Variants in DNHD1 observed in about 807,000 individuals in gnomAD.
DNHD1 encodes the protein dynein heavy chain domain-containing protein 1.
In DNHD1, 383 loss-of-function variants were observed where a neutral mutation model predicts 458.1. The observed-to-expected ratio is 0.84, with a 90% confidence interval of 0.77 to 0.91. The LOEUF (loss-of-function observed/expected upper bound fraction) is 0.91, where lower values mean the gene tolerates loss of function less well. Ranked by LOEUF, DNHD1 falls within the 40% of genes least tolerant of loss-of-function variation. The probability of loss-of-function intolerance (pLI) is 0.00; values close to 1 mark genes in which losing one functional copy is unlikely to be tolerated. For missense variants in DNHD1, 5,336 were observed against 5,866.1 expected (o/e 0.91, Z 2.95); for synonymous variants, 2,203 against 2,376.9 (o/e 0.93, Z 2.13).
At chr11:6,535,257 T>C (rs1304733768) in intron 14 of DNHD1, among the ~76,000 whole-genome samples, 1 of 152,276 alleles carries the variant, frequency 6.6e-6, no homozygotes, top group African/African-American at 2.4e-5. Context: ...GTATGCATGC[T>C]TATGTACACA....
intron 10 of DNHD1, among the ~76,000 whole-genome samples, chr11:6,524,727 G>A (rs953891570): frequency 3.9e-5 from 6 of 152,162 alleles, no homozygotes; most frequent in Non-Finnish European, 7.4e-5. Flanking sequence ...CTTCAGCTAT[G>A]CTTGTGTTTG....
chr11:6,557,991 C>T lies in DNHD1; in HGVS notation c.8696C>T (p.Thr2899Ile), dbSNP rs1352808777. Residue 2899 changes from threonine to isoleucine, a missense_variant, in exon 25 of 43, where the codon ACT becomes ATT. Around this residue, in one of 4 missense-constraint regions of DNHD1, gnomAD observed 3,932 missense variants for 4,365.6 expected, o/e 0.90. Transcript: ENST00000254579. Reference sequence around the variant, plus strand: ...GGGGCTCTGGGTACTGGGCGCCACACTGCCATCACTCTGGCTTCTAGCATT... The same window carrying T: ...GGGGCTCTGGGTACTGGGCGCCACATTGCCATCACTCTGGCTTCTAGCATT... ...LSGALGTGRH[T>I]AITLASSICQ... The T allele has an allele frequency of 6.4e-7, 1 of 1,551,748 alleles. No homozygotes were observed. Among genetic ancestry groups the T allele is most frequent in the South Asian group, 1.2e-5 (1 of 84,058 alleles).
Position 6,557,876 on chromosome 11 carries a change from C to T in DNHD1, c.8581C>T (p.His2861Tyr), listed in dbSNP as rs11040920. The change falls in exon 25 of 43, where the codon CAC (histidine) becomes TAC (tyrosine). Residue 2861 changes from histidine (H) to tyrosine (Y), a missense_variant. Physicochemically the swap from His to Tyr is moderately conservative, Grantham distance 83. Transcript: ENST00000254579. ...TSAAQLKLSP[H>Y]LARCHSMAQH... ...AGCTGCTCAACTGAAGTTGAGCCCC[C>T]ACCTGGCCCGGTGTCATTCCATGGC... 0.025 allele frequency: 38,985 copies of T among 1,550,752 alleles called. 1,723 individuals are homozygous for T. The highest frequency in any genetic ancestry group is 0.2 in the African/African-American group (14,264 of 73,056).
Position 6,556,827 on chromosome 11 carries a change from A to C in DNHD1, c.7532A>C (p.Glu2511Ala). 1 of 1,551,654 alleles carries C rather than the reference A, an allele frequency of 6.4e-7. No homozygotes were observed. Among genetic ancestry groups the C allele is most frequent in the African/African-American group, 1.4e-5 (1 of 73,154 alleles). The change falls in exon 25 of 43, where the codon GAG (glutamate) becomes GCG (alanine). Residue 2511 changes from glutamate (E) to alanine (A), a missense_variant. Physicochemically the swap from Glu to Ala is moderately radical, Grantham distance 107. Transcript: ENST00000254579. The stretch of plus-strand genomic sequence containing the variant: ...ACTGTCACAGTGCCAGGATACTGTG[A>C]GCGCCCACTGTGTCCACGCCTCTTT... Reference protein sequence around the residue: ...LATVTVPGYCERPLCPRLFRL... With the variant: ...LATVTVPGYCARPLCPRLFRL...
At chr11:6,570,528 G>A (rs1853820341) in intron 41 of DNHD1, 90 bp from the exon 42 acceptor site, 3 of 1,479,920 alleles carry the variant, frequency 2.0e-6, no homozygotes, top group Non-Finnish European at 2.7e-6. Context: ...TGGGGGTGAT[G>A]GCAGTAAAGG....
chr11:6,539,279 A>T lies in DNHD1; in HGVS notation c.3386A>T (p.Tyr1129Phe). The T allele has an allele frequency of 6.4e-7, 1 of 1,551,562 alleles. No individual in the cohort carries two copies. The highest frequency in any genetic ancestry group is 8.7e-7 in the Non-Finnish European group (1 of 1,146,954). The stretch of plus-strand genomic sequence containing the variant: ...CTAACGCTGGGCCAGCTGCTTACTT[A>T]TCCACTGCTGGAGTTTGCAGATCGA... ...ELLTLGQLLT[Y>F]PLLEFADRIN... The change falls in exon 17 of 43, where the codon TAT becomes TTT. Residue 1129 changes from tyrosine to phenylalanine, a missense_variant. Around this residue, in one of 4 missense-constraint regions of DNHD1, gnomAD observed 3,932 missense variants for 4,365.6 expected, o/e 0.90. Coordinates refer to ENST00000254579, the MANE Select transcript of DNHD1 (RefSeq NM_144666.3).
At chr11:6,555,188 C>G (rs1050674629) in intron 24 of DNHD1, among the ~76,000 whole-genome samples, 2 of 149,508 alleles carry the variant, frequency 1.3e-5, no homozygotes, top group East Asian at 2.0e-4. Context: ...CCCTCCTCTC[C>G]TCCCTCATTC....
intron 10 of DNHD1, among the ~76,000 whole-genome samples, chr11:6,526,201 G>A (rs1172307906): frequency 2.0e-5 from 3 of 151,584 alleles, no homozygotes; most frequent in African/African-American, 7.3e-5. Context: ...ATTATCTGTC[G>A]AGTTTGTTTG....
Position 6,546,346 on chromosome 11 carries a change from T to A in DNHD1, c.5407T>A (p.Cys1803Ser), listed in dbSNP as rs1297903726. 1.3e-6 allele frequency: 2 copies of A among 1,552,380 alleles called. No individual in the cohort carries two copies. Among genetic ancestry groups the A allele is most frequent in the Admixed American group, 2.0e-5 (1 of 51,018 alleles). Residue 1803 changes from cysteine to serine, a missense_variant, in exon 21 of 43, where the codon TGT (cysteine) becomes AGT (serine). By Grantham distance (112) the Cys-to-Ser change is moderately radical (BLOSUM62 -1). Transcript: ENST00000254579. ...HHVSVRLGYGCLLVLRALSSA... is the reference protein window; with the variant it reads ...HHVSVRLGYGSLLVLRALSSA... ...CGTGTCTGTGCGCCTTGGCTATGGCTGTCTCCTGGTACTGCGTGCCCTGAG... is the reference window on the plus strand; with the variant it reads ...CGTGTCTGTGCGCCTTGGCTATGGCAGTCTCCTGGTACTGCGTGCCCTGAG...
At position 6,511,282 on chromosome 11, in the gene DNHD1, G is replaced by A; in HGVS notation, c.1245G>A (p.Gln415=). ...AGLLHISRLL[Q]ELHSVSWLPQ... ...TAGTCCTTGATTCTAGGCTTCTGCA[G>A]GAGCTACACTCTGTGTCCTGGCTAC... The change falls in exon 7 of 43, where the codon CAG becomes CAA. Residue 415 remains glutamine, a synonymous_variant. Transcript: ENST00000254579. 6.2e-7 allele frequency: 1 copy of A among 1,614,194 alleles called. No individual in the cohort carries two copies. The highest frequency in any genetic ancestry group is 8.5e-7 in the Non-Finnish European group (1 of 1,180,022).
Position 6,502,733 on chromosome 11 carries a change from C to T in DNHD1, c.747-20C>T. On this transcript the variant is annotated intron_variant, in intron 3 of 42. Coordinates refer to ENST00000254579, the MANE Select transcript of DNHD1 (RefSeq NM_144666.3). The stretch of plus-strand genomic sequence containing the variant: ...GACCTTTTTACTCTGCCTTTTCTCT[C>T]CTGATTTTCTGTCACACAGGTCTCA... 1 of 1,561,020 alleles carries T rather than the reference C, an allele frequency of 6.4e-7. No homozygotes were observed. Among genetic ancestry groups the T allele is most frequent in the Non-Finnish European group, 8.6e-7 (1 of 1,156,088 alleles).
chr11:6,559,004 C>G lies in DNHD1; in HGVS notation c.9314C>G (p.Pro3105Arg). 1 of 1,551,760 alleles carries G rather than the reference C, an allele frequency of 6.4e-7. No individual in the cohort carries two copies. The highest frequency in any genetic ancestry group is 8.7e-7 in the Non-Finnish European group (1 of 1,146,998). The change falls in exon 27 of 43, where the codon CCT (proline) becomes CGT (arginine). Residue 3105 changes from proline (P) to arginine (R), a missense_variant. Transcript: ENST00000254579. ...ACCCACTACCATGAGCACCTGTGCC[C>G]TGCATTGCCACTCGTCACCCCCAAG... ...SATHYHEHLC[P>R]ALPLVTPKTF...
chr11:6,524,239 A>G (rs1014315778), intron 10 of DNHD1, among the ~76,000 whole-genome samples: 3 of 152,196 alleles, frequency 2.0e-5, no homozygotes, highest in Non-Finnish European at 4.4e-5. Context: ...GAGCTCACAA[A>G]ACAGACAATT....
rs1324622817 is a variant in DNHD1 at position 6,565,840 on chromosome 11, A to C, written c.10902A>C (p.Gln3634His). ...EERKNEQEKE[Q>H]EENEEKEEEK... ...GAAAAAATGAGCAGGAGAAAGAGCA[A>C]GAGGAAAATGAAGAGAAAGAGGAGG... Residue 3634 changes from glutamine (Q) to histidine (H), a missense_variant, in exon 33 of 43, where the codon CAA (glutamine) becomes CAC (histidine). Around this residue, in one of 4 missense-constraint regions of DNHD1, gnomAD observed 695 missense variants for 804.2 expected, o/e 0.86. Transcript: ENST00000254579. 6.4e-7 allele frequency: 1 copy of C among 1,551,736 alleles called. No homozygotes were observed. The highest frequency in any genetic ancestry group is 2.4e-5 in the East Asian group (1 of 40,928).
chr11:6,533,615 T>C (rs1236987041), intron 13 of DNHD1, 66 bp from the exon 14 acceptor site: 1 of 1,482,340 alleles, frequency 6.7e-7, no homozygotes, highest in Non-Finnish European at 9.0e-7. Context: ...GAGTTCCCCT[T>C]GGGGATGGGA....
intron 24 of DNHD1, 45 bp from the exon 25 acceptor site, chr11:6,556,638 T>A: frequency 6.7e-7 from 1 of 1,484,508 alleles, no homozygotes; most frequent in Non-Finnish European, 9.0e-7. Context: ...GATACTCTCA[T>A]GTGGACTTTT....
chr11:6,532,049 T>C (rs1852837590), intron 12 of DNHD1, among the ~76,000 whole-genome samples: 1 of 152,180 alleles, frequency 6.6e-6, no homozygotes. Context: ...AAAATAATAG[T>C]ATTTACTTCA....
chr11:6,559,150 G>A, intron 27 of DNHD1, 31 bp from the exon 28 acceptor site: 1 of 1,551,586 alleles, frequency 6.4e-7, no homozygotes, highest in Non-Finnish European at 8.7e-7. Flanking sequence ...CTGCTCCTTT[G>A]GGTTTCCTCA....
rs755197580 is a variant in DNHD1 at position 6,546,172 on chromosome 11, C to T, written c.5233C>T (p.Pro1745Ser). 39 of 1,550,800 alleles carry T rather than the reference C, an allele frequency of 2.5e-5. No homozygotes were observed. In the South Asian group the frequency reaches 4.5e-4, roughly 18 times the overall value. The change falls in exon 21 of 43, where the codon CCC becomes TCC. Residue 1745 changes from proline to serine, a missense_variant. Physicochemically the swap from Pro to Ser is moderately conservative, Grantham distance 74. Around this residue, in one of 4 missense-constraint regions of DNHD1, gnomAD observed 3,932 missense variants for 4,365.6 expected, o/e 0.90. Transcript: ENST00000254579. ...GCTGTTGGAGAAAGTTCATCAGCTG[C>T]CCCCTGGCTTGCTCTCTGCCCTGGG... is the stretch of plus-strand genomic sequence containing the variant. ...WLLLEKVHQL[P>S]PGLLSALGQR...
Sources: allele counts gnomAD v4.1 joint callset (sites outside exome capture counted in the v4.1 genomes callset), GRCh38; gene constraint gnomAD v4.1.1; regional missense constraint gnomAD v4.1.1; transcripts MANE v1.5; gene names NCBI Gene and HGNC (gene_info 2026-07-23, HGNC 2026-07-21).